The following ZNF398 variants were observed in gnomAD, a reference collection of about 807,000 sequenced individuals.
ZNF398 encodes the protein zinc finger DNA binding protein ZER6.
A neutral mutation model predicts 41.9 loss-of-function variants in ZNF398; 18 were observed. That is an observed-to-expected ratio of 0.43 (90% CI 0.30 to 0.64). The LOEUF (loss-of-function observed/expected upper bound fraction) is 0.64, where lower values mean the gene tolerates loss of function less well. ZNF398 is among the 30% of genes least tolerant of loss of function. ZNF398 has a pLI of 0.14. For synonymous variants in ZNF398, 260 were observed against 308.8 expected, an observed-to-expected ratio of 0.84 and a Z score of 1.66; for missense variants, 669 against 822.8, an observed-to-expected ratio of 0.81 and a Z score of 2.29.
chr7:149,126,429 G>A (rs1029259570), exon 1 of ZNF398: 2 of 854,660 alleles, frequency 2.3e-6, no homozygotes, highest in African/African-American at 1.8e-5. Flanking sequence ...GTCCTCAGAG[G>A]AGGGGCCCGG....
chr7:149,155,265 C>A (rs550478899), intron 2 of ZNF398, among the ~76,000 whole-genome samples: 14 of 152,032 alleles, frequency 9.2e-5, no homozygotes, highest in Admixed American at 9.2e-4. Flanking sequence ...ATTAAACATA[C>A]AAAAATTAGC....
At chr7:149,138,348 G>C (rs1826756675) in intron 2 of ZNF398, among the ~76,000 whole-genome samples, 1 of 152,208 alleles carries the variant, frequency 6.6e-6, no homozygotes, top group Non-Finnish European at 1.5e-5. Context: ...GGGAGGCCGA[G>C]GTGGGTGGAT....
intron 2 of ZNF398, among the ~76,000 whole-genome samples, chr7:149,155,499 G>A (rs961267594): frequency 6.6e-6 from 1 of 151,862 alleles, no homozygotes; most frequent in Non-Finnish European, 1.5e-5. Flanking sequence ...TGACCTAATA[G>A]GTCCAGGATG....
chr7:149,176,669 C>A, intron 5 of ZNF398, 88 bp downstream of exon 5: 1 of 778,984 alleles, frequency 1.3e-6, no homozygotes, highest in East Asian at 2.7e-5. Context: ...TTTGTAGAGG[C>A]AAATATGTGG....
In ZNF398 at chr7:149,178,668, G is replaced by A. The variant is rs1795522300; in HGVS notation, c.796G>A (p.Ala266Thr). The change falls in exon 6 of 6, where the codon GCT becomes ACT. Residue 266 changes from alanine to threonine, a missense_variant. Ala to Thr is a moderately conservative substitution (Grantham distance 58). Around this residue, in one of 3 missense-constraint regions of ZNF398, gnomAD observed 290 missense variants for 292.9 expected, o/e 0.99. Transcript: ENST00000475153. ...TYADEELVIKAEGLARSSLCP... is the reference protein window; with the variant it reads ...TYADEELVIKTEGLARSSLCP... ...TTCAGATGAAGAGCTTGTCATCAAAGCTGAAGGCCTTGCTAGATCCTCGTT... is the reference window on the plus strand; with the variant it reads ...TTCAGATGAAGAGCTTGTCATCAAAACTGAAGGCCTTGCTAGATCCTCGTT... 1 of 1,613,790 alleles carries A rather than the reference G, an allele frequency of 6.2e-7. No individual in the cohort carries two copies. Among genetic ancestry groups the A allele is most frequent in the East Asian group, 2.2e-5 (1 of 44,882 alleles).
At chr7:149,172,238 A>T (rs1488505863) in intron 4 of ZNF398, among the ~76,000 whole-genome samples, 1 of 152,184 alleles carries the variant, frequency 6.6e-6, no homozygotes, top group African/African-American at 2.4e-5. Context: ...GAAAATATTA[A>T]ATGGAAAATT....
exon 1 of ZNF398, chr7:149,126,596 G>T: frequency 3.1e-6 from 1 of 327,288 alleles, no homozygotes; most frequent in Non-Finnish European, 5.6e-6. Flanking sequence ...CAGGGAGAGA[G>T]TAGGGACAGC....
intron 2 of ZNF398, among the ~76,000 whole-genome samples, chr7:149,163,060 G>A (rs1404520391): frequency 3.3e-5 from 5 of 152,122 alleles, no homozygotes; most frequent in Admixed American, 2.0e-4. Flanking sequence ...GTTAGAAAAC[G>A]TCCTAAGAAT....
intron 4 of ZNF398, among the ~76,000 whole-genome samples, chr7:149,173,530 C>T (rs1040455666): frequency 2.6e-5 from 4 of 152,036 alleles, no homozygotes; most frequent in African/African-American, 9.7e-5. Context: ...CCTTGATCTG[C>T]GGGGCTGTAG....
At chr7:149,160,980 G>A (rs1795095716) in intron 2 of ZNF398, among the ~76,000 whole-genome samples, 1 of 152,104 alleles carries the variant, frequency 6.6e-6, no homozygotes, top group Non-Finnish European at 1.5e-5. Context: ...TGCACCCCAA[G>A]GAGGCCTGTC....
chr7:149,134,388 G>A (rs551778404), intron 2 of ZNF398, among the ~76,000 whole-genome samples: 2 of 151,520 alleles, frequency 1.3e-5, no homozygotes, highest in African/African-American at 4.8e-5. Context: ...ACCACGCTCA[G>A]CCCGTTTTTG....
intron 4 of ZNF398, among the ~76,000 whole-genome samples, chr7:149,170,915 C>CT (rs751724829): frequency 0.015 from 2,084 of 141,540 alleles, 39 homozygotes; most frequent in Admixed American, 0.045. Flanking sequence ...AACATTTTTT[C>CT]TTTTTTTTTT....
intron 4 of ZNF398, among the ~76,000 whole-genome samples, chr7:149,174,462 A>G (rs1190575986): frequency 6.6e-6 from 1 of 152,154 alleles, no homozygotes; most frequent in Non-Finnish European, 1.5e-5. Context: ...TGCTGGGATT[A>G]TGAGCGTGAG....
At position 149,176,469 on chromosome 7, in the gene ZNF398, G is replaced by A; in HGVS notation, c.663G>A (p.Glu221=). The A allele has an allele frequency of 6.2e-7, 1 of 1,612,128 alleles. No individual in the cohort carries two copies. Among genetic ancestry groups the A allele is most frequent in the Non-Finnish European group, 8.5e-7 (1 of 1,178,382 alleles). ...ESEIPTDPSE[E]PGISTSDILS... ...TTTTTTTTTCCTCCCACAAATTAGAGCCTGGTATTTCAACATCAGATATTC... is the reference window on the plus strand; with the variant it reads ...TTTTTTTTTCCTCCCACAAATTAGAACCTGGTATTTCAACATCAGATATTC... The change falls in exon 5 of 6, where the codon GAG becomes GAA. Residue 221 remains glutamate, a splice_region_variant and synonymous_variant. Transcript: ENST00000475153.
chr7:149,162,146 C>T (rs943547236), intron 2 of ZNF398, among the ~76,000 whole-genome samples: 5 of 151,940 alleles, frequency 3.3e-5, no homozygotes, highest in Non-Finnish European at 7.4e-5. Context: ...CTCAGCCTCC[C>T]GAGTGGCTGG....
At chr7:149,149,644 C>A (rs1032375141) in intron 1 of ZNF398, among the ~76,000 whole-genome samples, 2 of 151,742 alleles carry the variant, frequency 1.3e-5, no homozygotes, top group Admixed American at 1.3e-4. Flanking sequence ...TGAAGACCAG[C>A]CTGGGCAACA....
Position 149,154,360 on chromosome 7 carries a change from A to G in ZNF398, c.420+20A>G. ...CCAAAGGTAATACCTTCATTTCTAG[A>G]TGTAAAGTGGTACCACTAGAACTTA... On this transcript the variant is annotated intron_variant, in intron 2 of 5. Transcript: ENST00000475153. The G allele has an allele frequency of 1.3e-6, 2 of 1,579,240 alleles. No homozygotes were observed. Among genetic ancestry groups the G allele is most frequent in the Non-Finnish European group, 1.7e-6 (2 of 1,161,962 alleles).
At chr7:149,135,242 T>C (rs1481751793) in intron 2 of ZNF398, among the ~76,000 whole-genome samples, 1 of 151,566 alleles carries the variant, frequency 6.6e-6, no homozygotes, top group Non-Finnish European at 1.5e-5. Context: ...ACCAAAAAAA[T>C]AGCCGGGCGT....
rs1209725009 is a variant in ZNF398 at position 149,153,978 on chromosome 7, C to T, written c.58C>T (p.Leu20=). The change falls in exon 2 of 6, where the codon CTG becomes TTG. Residue 20 remains leucine (L), a synonymous_variant. Transcript: ENST00000475153. Reference sequence around the variant, plus strand: ...ATGGGACTCCGAGTGCCTTACATCCCTGCAGCCCCTTCCTCTTCCTACACC... The same window carrying T: ...ATGGGACTCCGAGTGCCTTACATCCTTGCAGCCCCTTCCTCTTCCTACACC... The part of the protein sequence containing the change: ...SEWDSECLTS[L]QPLPLPTPPA... The T allele has an allele frequency of 1.2e-6, 2 of 1,613,816 alleles. No homozygotes were observed. Among genetic ancestry groups the T allele is most frequent in the South Asian group, 2.2e-5 (2 of 91,056 alleles).
Sources: allele counts gnomAD v4.1 joint callset (sites outside exome capture counted in the v4.1 genomes callset), GRCh38; gene constraint gnomAD v4.1.1; regional missense constraint gnomAD v4.1.1; transcripts MANE v1.5; gene names NCBI Gene and HGNC (gene_info 2026-07-23, HGNC 2026-07-21).